Variants in SESTD1 observed in about 807,000 individuals in gnomAD.
SESTD1 encodes SEC14 domain and spectrin repeat-containing protein 1.
In SESTD1, 43 loss-of-function variants were observed where a neutral mutation model predicts 101.7. The observed-to-expected ratio is 0.42, with a 90% CI of 0.33 to 0.55. The LOEUF (loss-of-function observed/expected upper bound fraction) is 0.55, where lower values mean the gene tolerates loss of function less well. SESTD1 is among the 20% of genes least tolerant of loss of function. The pLI is 0.07. For missense variants in SESTD1, 647 were observed against 815.1 expected, an observed-to-expected ratio of 0.79 and a Z score of 2.51; for synonymous variants, 283 against 286.8, an observed-to-expected ratio of 0.99 and a Z score of 0.13.
In SESTD1 at chr2:179,141,562, T is replaced by C. The variant is rs532784238; in HGVS notation, c.849+2030A>G. On this transcript the variant is annotated intron_variant, in intron 9 of 17. Transcript: ENST00000428443. ...GATGTTATTAATAGAAGACTCATTA[T>C]GTGCCAGACACTAAATATTTTATAA... Among the ~76,000 whole-genome samples, 216 of 152,320 alleles carry C rather than the reference T, an allele frequency of 1.4e-3. 2 individuals are homozygous for C. The highest frequency in any genetic ancestry group is 2.7e-3 in the Non-Finnish European group (182 of 68,034).
At chr2:179,168,826 T>C (rs1300225264) in intron 5 of SESTD1, among the ~76,000 whole-genome samples, 1 of 152,226 alleles carries the variant, frequency 6.6e-6, no homozygotes, top group African/African-American at 2.4e-5. Flanking sequence ...TGTTTGTTTA[T>C]AGCACAGTAA....
intron 2 of SESTD1, among the ~76,000 whole-genome samples, chr2:179,184,709 A>T (rs1272518212): frequency 1.3e-5 from 2 of 152,200 alleles, no homozygotes; most frequent in Non-Finnish European, 2.9e-5. Context: ...TAATAGGAAC[A>T]GGCTAAGAAG....
At position 179,146,474 on chromosome 2, in the gene SESTD1, G is replaced by A. The variant is rs777056230; in HGVS notation, c.582-17C>T. The A allele has an allele frequency of 4.4e-6, 7 of 1,604,996 alleles. No individual in the cohort carries two copies. The East Asian group carries it at 1.6e-4, about 36-fold the overall frequency. ...TCCACAGACCTGGAAAACACCAAAGGAGTAATTTTCAAAAGGCATATTTCT... is the reference window on the plus strand; with the variant it reads ...TCCACAGACCTGGAAAACACCAAAGAAGTAATTTTCAAAAGGCATATTTCT... On this transcript the variant is annotated splice_polypyrimidine_tract_variant and intron_variant, in intron 7 of 17. Transcript: ENST00000428443.
intron 3 of SESTD1, among the ~76,000 whole-genome samples, chr2:179,178,964 T>C (rs1260258052): frequency 2.0e-5 from 3 of 152,220 alleles, no homozygotes; most frequent in African/African-American, 7.2e-5. Flanking sequence ...AGGAATAAAA[T>C]ACTCTAAATT....
chr2:179,132,338 T>C lies in SESTD1; in HGVS notation c.938A>G (p.Gln313Arg). The C allele has an allele frequency of 1.3e-6, 2 of 1,559,818 alleles. No homozygotes were observed. The highest frequency in any genetic ancestry group is 1.7e-6 in the Non-Finnish European group (2 of 1,164,006). ...GCTCTCAATCTCTTCGTGTTTCTGCTGTAGGGCCTGGGAGGCCCTAATGGA... is the reference window on the plus strand; with the variant it reads ...GCTCTCAATCTCTTCGTGTTTCTGCCGTAGGGCCTGGGAGGCCCTAATGGA... ...GDSIRASQAL[Q>R]QKHEEIESQH... The change falls in exon 10 of 18, where the codon CAG (glutamine) becomes CGG (arginine). Residue 313 changes from glutamine (Q) to arginine (R), a missense_variant. By Grantham distance (43) the Gln-to-Arg change is conservative (BLOSUM62 1). Transcript: ENST00000428443.
chr2:179,121,146 GT>G, intron 13 of SESTD1, among the ~76,000 whole-genome samples: 1 of 151,270 alleles, frequency 6.6e-6, no homozygotes, highest in South Asian at 2.1e-4. Flanking sequence ...GTGAAGTTTT[GT>G]TGATGATCAT....
In SESTD1 at chr2:179,136,930, T is replaced by TA. The variant is rs754887122; in HGVS notation, c.850-4505dup. Reference sequence around the variant, plus strand: ...ATATGGCCTTAATATAGGCTGAAAGTAATTTCCCTTAGTATACAACATCAG... The same window carrying TA: ...ATATGGCCTTAATATAGGCTGAAAGTAAATTTCCCTTAGTATACAACATCAG... On this transcript the variant is annotated intron_variant, in intron 9 of 17. Transcript: ENST00000428443. Among the ~76,000 whole-genome samples, 123 of 152,238 alleles carry TA rather than the reference T, an allele frequency of 8.1e-4. 1 individual carries two copies. The Middle Eastern group carries it at 0.024, about 30-fold the overall frequency.
In SESTD1 at chr2:179,213,017, AG is replaced by A. The variant is rs754795935; in HGVS notation, c.-25-21152del. Among the ~76,000 whole-genome samples the A allele has an allele frequency of 1.2e-4, 16 of 135,396 alleles. 4 individuals are homozygous for A. Among genetic ancestry groups the A allele is most frequent in the Non-Finnish European group, 2.5e-4 (16 of 62,920 alleles). 88.8% of individuals were successfully genotyped at this position (135,396 alleles called of 152,430 possible). ...GTCACCAACATCAAAGACCAAAGGTAGATAAAACCACAAAGATGGGGAGGAA... is the reference window on the plus strand; with the variant it reads ...GTCACCAACATCAAAGACCAAAGGTAATAAAACCACAAAGATGGGGAGGAA... On this transcript the variant is annotated intron_variant, in intron 1 of 17. Coordinates refer to ENST00000428443, the MANE Select transcript of SESTD1 (RefSeq NM_178123.5).
chr2:179,175,468 T>C (rs1448661300), intron 4 of SESTD1, among the ~76,000 whole-genome samples: 1 of 152,192 alleles, frequency 6.6e-6, no homozygotes, highest in African/African-American at 2.4e-5. Flanking sequence ...ATCACTGATA[T>C]CCACTTAAGT....
intron 1 of SESTD1, among the ~76,000 whole-genome samples, chr2:179,196,695 C>T (rs938214356): frequency 6.6e-6 from 1 of 152,176 alleles, no homozygotes; most frequent in African/African-American, 2.4e-5. Flanking sequence ...CCAGAAGGGG[C>T]AGACTGACAC....
intron 5 of SESTD1, among the ~76,000 whole-genome samples, chr2:179,168,410 T>C (rs2045873232): frequency 6.6e-6 from 1 of 152,226 alleles, no homozygotes; most frequent in African/African-American, 2.4e-5. Context: ...TATTAGCATT[T>C]AAGTTCTTAG....
Position 179,200,743 on chromosome 2 carries a change from C to T in SESTD1, c.-25-8877G>A, listed in dbSNP as rs1307277770. ...TATGTAGAAAGCTGAAACTGGATCC[C>T]TTCCTTACACCTTATACAAAAATCA... On this transcript the variant is annotated intron_variant, in intron 1 of 17. Coordinates refer to ENST00000428443, the MANE Select transcript of SESTD1 (RefSeq NM_178123.5). 1.1e-4 allele frequency among the ~76,000 whole-genome samples: 15 copies of T among 136,186 alleles called. 2 individuals carry two copies. Among genetic ancestry groups the T allele is most frequent in the Non-Finnish European group, 2.2e-4 (14 of 63,056 alleles). The allele number at this position is 136,186 out of a possible 152,430, so 89.3% of individuals were successfully genotyped here. A position where few individuals can be genotyped will look rare whatever the true frequency, so the allele number is the denominator to read the frequency against.
At chr2:179,147,423 G>A (rs548483424) in intron 7 of SESTD1, among the ~76,000 whole-genome samples, 1 of 151,210 alleles carries the variant, frequency 6.6e-6, no homozygotes, top group East Asian at 1.9e-4. Flanking sequence ...GTGCAGTGGC[G>A]TGATCTCGAC....
intron 1 of SESTD1, among the ~76,000 whole-genome samples, chr2:179,230,993 T>G (rs1055830476): frequency 2.6e-5 from 4 of 152,126 alleles, no homozygotes; most frequent in African/African-American, 9.7e-5. Flanking sequence ...GGCATCAGAC[T>G]TCTCAAAACA....
Position 179,123,844 on chromosome 2 carries a change from C to A in SESTD1, c.1168-15G>T, listed in dbSNP as rs746222143. ...TGCTGAGACAACTAAAGCAGAGGGACACCAAAGAGATAACCCTGATGTAAT... is the reference window on the plus strand; with the variant it reads ...TGCTGAGACAACTAAAGCAGAGGGAAACCAAAGAGATAACCCTGATGTAAT... On this transcript the variant is annotated splice_polypyrimidine_tract_variant and intron_variant, in intron 11 of 17. Coordinates refer to ENST00000428443, the MANE Select transcript of SESTD1 (RefSeq NM_178123.5). 4.4e-6 allele frequency: 7 copies of A among 1,576,664 alleles called. No homozygotes were observed. The highest frequency in any genetic ancestry group is 6.1e-6 in the Non-Finnish European group (7 of 1,146,586).
chr2:179,143,979 A>AAT (rs1222554394), intron 8 of SESTD1, among the ~76,000 whole-genome samples, 176 bp from the exon 9 acceptor site: 6 of 151,338 alleles, frequency 4.0e-5, no homozygotes, highest in African/African-American at 1.2e-4. Context: ...TGTACATATT[A>AAT]ATATATATAT....
At chr2:179,151,494 C>A in intron 5 of SESTD1, 103 bp from the exon 6 acceptor site, 1 of 626,092 alleles carries the variant, frequency 1.6e-6, no homozygotes. Flanking sequence ...ATATTGTTTC[C>A]AACATGATGA....
At chr2:179,261,804 AAC>A (rs1178240340) in intron 1 of SESTD1, among the ~76,000 whole-genome samples, 1 of 152,160 alleles carries the variant, frequency 6.6e-6, no homozygotes, top group East Asian at 1.9e-4. Context: ...AGCTATGGAA[AAC>A]AGTCAAGCAG....
chr2:179,146,907 GT>G (rs2045407899), intron 7 of SESTD1, among the ~76,000 whole-genome samples: 2 of 47,894 alleles, frequency 4.2e-5, no homozygotes, highest in South Asian at 1.0e-3. Flanking sequence ...TTCCAGGGGT[GT>G]GTGTGTGTGT....
Sources: allele counts gnomAD v4.1 joint callset (sites outside exome capture counted in the v4.1 genomes callset), GRCh38; gene constraint gnomAD v4.1.1; transcripts MANE v1.5; gene names NCBI Gene and HGNC (gene_info 2026-07-23, HGNC 2026-07-21).